The following HS3ST4 variants were observed in gnomAD, a reference collection of about 807,000 sequenced individuals.
The protein encoded by HS3ST4 is heparan sulfate-glucosamine 3-sulfotransferase 4, also known as heparan sulfate glucosamine 3-O-sulfotransferase 4.
A neutral mutation model predicts 29.2 loss-of-function variants in HS3ST4; 17 were observed. That is an observed-to-expected ratio of 0.58 (90% CI 0.40 to 0.87). The LOEUF (loss-of-function observed/expected upper bound fraction) is 0.87, where lower values mean the gene tolerates loss of function less well. Among genes scored for constraint, HS3ST4 ranks in the 40% least tolerant of loss-of-function variants. The pLI is 0.00. For synonymous variants in HS3ST4, 314 were observed against 285.7 expected (o/e 1.10, Z -1.00); for missense variants, 627 against 634.5 (o/e 0.99, Z 0.13).
intron 1 of HS3ST4, among the ~76,000 whole-genome samples, chr16:25,760,270 T>C (rs916454633): frequency 1.3e-5 from 2 of 151,996 alleles, no homozygotes; most frequent in African/African-American, 4.8e-5. Context: ...CTCAGAGAGG[T>C]TGGTTTCTTT....
intron 1 of HS3ST4, among the ~76,000 whole-genome samples, chr16:25,852,250 ACTC>A (rs1187782223): frequency 5.3e-5 from 8 of 151,816 alleles, no homozygotes; most frequent in Admixed American, 3.3e-4. Context: ...TTCCAATCAA[ACTC>A]CTTAAGTGCT....
chr16:26,078,468 A>C (rs1388966918), intron 1 of HS3ST4, among the ~76,000 whole-genome samples: 1 of 152,148 alleles, frequency 6.6e-6, no homozygotes, highest in Admixed American at 6.5e-5. Context: ...TTATTTTTTT[A>C]AAGAAATAGA....
At chr16:25,901,678 GA>G (rs1052978365) in intron 1 of HS3ST4, among the ~76,000 whole-genome samples, 8 of 83,826 alleles carry the variant, frequency 9.5e-5, no homozygotes, top group African/African-American at 1.5e-4. Flanking sequence ...TGTGTCAGAA[GA>G]AAAAAAATGC....
intron 1 of HS3ST4, among the ~76,000 whole-genome samples, chr16:26,053,202 A>G (rs1044584242): frequency 2.6e-5 from 4 of 152,180 alleles, no homozygotes; most frequent in African/African-American, 9.7e-5. Flanking sequence ...TCAACAATCA[A>G]TGATGACCAT....
chr16:25,743,970 T>C (rs553100128), intron 1 of HS3ST4, among the ~76,000 whole-genome samples: 3 of 152,318 alleles, frequency 2.0e-5, no homozygotes, highest in East Asian at 3.9e-4. Context: ...CCAGTTTAAA[T>C]AGCCTAGATT....
At chr16:25,898,564 T>C (rs1024808127) in intron 1 of HS3ST4, among the ~76,000 whole-genome samples, 9 of 152,242 alleles carry the variant, frequency 5.9e-5, no homozygotes, top group Non-Finnish European at 1.5e-5. Context: ...TCCTGTAAAT[T>C]AACTCACTTT....
intron 1 of HS3ST4, among the ~76,000 whole-genome samples, chr16:25,965,437 A>G (rs1314053517): frequency 6.6e-6 from 1 of 152,004 alleles, no homozygotes; most frequent in East Asian, 1.9e-4. Flanking sequence ...TGGGAAAAAT[A>G]GATCCTGGGG....
intron 1 of HS3ST4, among the ~76,000 whole-genome samples, chr16:25,975,215 T>C (rs746665474): frequency 2.0e-5 from 3 of 151,942 alleles, no homozygotes; most frequent in Non-Finnish European, 4.4e-5. Flanking sequence ...CAGCATGTTC[T>C]TACTTACAAG....
At chr16:25,857,348 T>C (rs1185102581) in intron 1 of HS3ST4, among the ~76,000 whole-genome samples, 1 of 152,084 alleles carries the variant, frequency 6.6e-6, no homozygotes, top group Non-Finnish European at 1.5e-5. Context: ...AGAAAAGACA[T>C]TGATTATCAG....
At chr16:25,890,940 A>C (rs1445686668) in intron 1 of HS3ST4, among the ~76,000 whole-genome samples, 1 of 151,054 alleles carries the variant, frequency 6.6e-6, no homozygotes, top group Non-Finnish European at 1.5e-5. Flanking sequence ...TTGAAAATGG[A>C]TGGGGCTGGC....
At chr16:26,036,399 C>G (rs931814044) in intron 1 of HS3ST4, among the ~76,000 whole-genome samples, 3 of 152,196 alleles carry the variant, frequency 2.0e-5, no homozygotes, top group Admixed American at 6.5e-5. Flanking sequence ...TAGGGTTAGA[C>G]GTGACCCTGC....
chr16:25,845,882 T>C (rs893457029), intron 1 of HS3ST4, among the ~76,000 whole-genome samples: 4 of 152,222 alleles, frequency 2.6e-5, no homozygotes, highest in African/African-American at 9.6e-5. Flanking sequence ...CTGCATTATC[T>C]ATTCGGACCT....
At chr16:25,809,710 T>C (rs1047478117) in intron 1 of HS3ST4, among the ~76,000 whole-genome samples, 6 of 152,130 alleles carry the variant, frequency 3.9e-5, no homozygotes, top group African/African-American at 1.4e-4. Flanking sequence ...ATTTTTTTGT[T>C]TCATTTTTGA....
At chr16:25,885,164 G>A (rs1210062712) in intron 1 of HS3ST4, among the ~76,000 whole-genome samples, 2 of 152,176 alleles carry the variant, frequency 1.3e-5, no homozygotes, top group Non-Finnish European at 2.9e-5. Context: ...CTTAAATGAG[G>A]ATCAGAAAGT....
chr16:26,062,323 G>A (rs559457577), intron 1 of HS3ST4, among the ~76,000 whole-genome samples: 2 of 152,294 alleles, frequency 1.3e-5, no homozygotes, highest in African/African-American at 4.8e-5. Context: ...CTTCTCATCT[G>A]TAAAATGGGG....
chr16:25,806,350 G>C lies in HS3ST4; in HGVS notation c.734+113199G>C, dbSNP rs9941078. On this transcript the variant is annotated intron_variant, in intron 1 of 1. Coordinates refer to ENST00000331351, the MANE Select transcript of HS3ST4 (RefSeq NM_006040.3). ...GTGTGTGTGTATGTGTCTACGTGGG[G>C]GCAGGACATTAGTCCAATCCTCGTG... is the stretch of plus-strand genomic sequence containing the variant. 2.4e-3 allele frequency among the ~76,000 whole-genome samples: 359 copies of C among 151,726 alleles called. 4 individuals carry two copies. The highest frequency in any genetic ancestry group is 8.0e-3 in the African/African-American group (330 of 41,346).
chr16:25,693,510 C>T (rs1392024362), intron 1 of HS3ST4, among the ~76,000 whole-genome samples: 1 of 152,152 alleles, frequency 6.6e-6, no homozygotes, highest in African/African-American at 2.4e-5. Context: ...GGATTCTGGG[C>T]AGAGGACTTT....
intron 1 of HS3ST4, among the ~76,000 whole-genome samples, chr16:26,060,360 C>T (rs1426554022): frequency 1.3e-5 from 2 of 152,150 alleles, no homozygotes; most frequent in Non-Finnish European, 2.9e-5. Context: ...AAAGCTTTCC[C>T]ACCAGATTAA....
At chr16:25,965,484 G>A (rs1167976991) in intron 1 of HS3ST4, among the ~76,000 whole-genome samples, 3 of 151,980 alleles carry the variant, frequency 2.0e-5, no homozygotes, top group Non-Finnish European at 2.9e-5. Context: ...CAGAACAGCT[G>A]AGGTTGTGTG....
Sources: allele counts gnomAD v4.1 joint callset (sites outside exome capture counted in the v4.1 genomes callset), GRCh38; gene constraint gnomAD v4.1.1; transcripts MANE v1.5; gene names NCBI Gene and HGNC (gene_info 2026-07-23, HGNC 2026-07-21).